The following ELMO1 variants were observed in gnomAD, a reference collection of about 807,000 sequenced individuals.
ELMO1 encodes the protein engulfment and cell motility protein 1.
ELMO1 carries 26 observed loss-of-function variants against 98.9 expected under a neutral mutation model. The observed-to-expected ratio is 0.26, with a 90% CI of 0.19 to 0.36. ELMO1 has a LOEUF of 0.36. ELMO1 is among the 10% of genes least tolerant of loss of function. The probability of loss-of-function intolerance (pLI) is 1.00; values close to 1 mark genes in which losing one functional copy is unlikely to be tolerated. For synonymous variants in ELMO1, 346 were observed against 346.0 expected, an observed-to-expected ratio of 1.00 and a Z score of 0.00; for missense variants, 627 against 935.2, an observed-to-expected ratio of 0.67 and a Z score of 4.30.
At chr7:37,069,540 T>C (rs893085160) in intron 15 of ELMO1, among the ~76,000 whole-genome samples, 5 of 152,190 alleles carry the variant, frequency 3.3e-5, no homozygotes, top group Non-Finnish European at 5.9e-5. Context: ...TCTCAAATTG[T>C]GCCTCACTGT....
At chr7:37,446,276 C>T (rs1173317192) in intron 1 of ELMO1, among the ~76,000 whole-genome samples, 4 of 152,188 alleles carry the variant, frequency 2.6e-5, no homozygotes, top group Non-Finnish European at 5.9e-5. Flanking sequence ...ACAAGGTAGT[C>T]ACTACCCTCA....
At chr7:37,277,109 T>G (rs1796880368) in intron 4 of ELMO1, among the ~76,000 whole-genome samples, 1 of 152,246 alleles carries the variant, frequency 6.6e-6, no homozygotes, top group South Asian at 2.1e-4. Flanking sequence ...AATAAATAGC[T>G]AAACTACTGT....
At chr7:37,123,024 C>A (rs549170738) in intron 14 of ELMO1, among the ~76,000 whole-genome samples, 1 of 152,134 alleles carries the variant, frequency 6.6e-6, no homozygotes, top group African/African-American at 2.4e-5. Flanking sequence ...ACAACCTGCT[C>A]CTGAATGACT....
chr7:37,441,467 T>G (rs1805415348), intron 1 of ELMO1, among the ~76,000 whole-genome samples: 1 of 152,230 alleles, frequency 6.6e-6, no homozygotes, highest in Admixed American at 6.5e-5. Flanking sequence ...CTGGTCGCAC[T>G]AATGGAATAT....
chr7:36,947,673 C>T (rs540262401), intron 16 of ELMO1, among the ~76,000 whole-genome samples: 2 of 152,284 alleles, frequency 1.3e-5, no homozygotes, highest in South Asian at 4.1e-4. Context: ...AAAGTCTGAA[C>T]TCCACAGCAA....
At chr7:37,131,009 C>T (rs1265569895) in intron 14 of ELMO1, among the ~76,000 whole-genome samples, 1 of 152,084 alleles carries the variant, frequency 6.6e-6, no homozygotes, top group Non-Finnish European at 1.5e-5. Flanking sequence ...GCTCATGAAT[C>T]AAAATTTAAT....
chr7:37,431,044 CA>C (rs1804910839), intron 1 of ELMO1, among the ~76,000 whole-genome samples: 1 of 152,176 alleles, frequency 6.6e-6, no homozygotes, highest in African/African-American at 2.4e-5. Flanking sequence ...GCAATCAGAA[CA>C]GTCTACCTTG....
At chr7:37,021,489 C>T (rs1794264661) in intron 15 of ELMO1, among the ~76,000 whole-genome samples, 1 of 151,908 alleles carries the variant, frequency 6.6e-6, no homozygotes, top group Admixed American at 6.6e-5. Flanking sequence ...AGCCTCATAG[C>T]ACCAAAAGAC....
chr7:37,330,785 C>G (rs570697981), intron 2 of ELMO1, among the ~76,000 whole-genome samples: 1 of 152,200 alleles, frequency 6.6e-6, no homozygotes, highest in East Asian at 1.9e-4. Flanking sequence ...AAATCTAGAC[C>G]CTTCACCTTT....
At chr7:37,208,450 A>C (rs1410710890) in intron 13 of ELMO1, among the ~76,000 whole-genome samples, 1 of 152,244 alleles carries the variant, frequency 6.6e-6, no homozygotes, top group Non-Finnish European at 1.5e-5. Context: ...AATCTTATGA[A>C]CTGAACTTTT....
intron 10 of ELMO1, 82 bp downstream of exon 10, chr7:37,222,533 C>T (rs1584831699): frequency 1.5e-6 from 2 of 1,355,442 alleles, no homozygotes; most frequent in Non-Finnish European, 2.1e-6. Flanking sequence ...CCAATGAGTC[C>T]CCGAATAGAA....
intron 8 of ELMO1, among the ~76,000 whole-genome samples, chr7:37,227,743 C>G (rs144642732): frequency 3.4e-4 from 52 of 152,300 alleles, no homozygotes; most frequent in African/African-American, 1.0e-3. Flanking sequence ...TTAAAGTTCT[C>G]TATAAATCAT....
chr7:37,007,802 TAGG>T (rs1277930966), intron 16 of ELMO1, among the ~76,000 whole-genome samples: 2 of 152,200 alleles, frequency 1.3e-5, no homozygotes, highest in Middle Eastern at 3.2e-3. Flanking sequence ...ATAATCTTCA[TAGG>T]AGATTTCTCA....
chr7:37,037,599 G>T (rs1245788865), intron 15 of ELMO1, among the ~76,000 whole-genome samples: 1 of 152,234 alleles, frequency 6.6e-6, no homozygotes, highest in East Asian at 1.9e-4. Flanking sequence ...AAAGTCAAGT[G>T]AAGCAAACTC....
At chr7:37,292,766 A>T (rs78137773) in intron 4 of ELMO1, among the ~76,000 whole-genome samples, 2 of 19,010 alleles carry the variant, frequency 1.1e-4, no homozygotes, top group African/African-American at 2.5e-4. Context: ...CCGGCCAGCC[A>T]CCCCGTCTGG....
chr7:37,123,197 T>C (rs138580009), intron 14 of ELMO1, among the ~76,000 whole-genome samples: 3,894 of 152,176 alleles, frequency 0.026, 163 homozygotes, highest in African/African-American at 0.088. Flanking sequence ...AGATCCAAAA[T>C]TGACACCCTA....
rs147769713 is a variant in ELMO1, at chr7:37,115,867, G to A, written c.1191+17263C>T. Among the ~76,000 whole-genome samples, 311 of 152,202 alleles carry A rather than the reference G, an allele frequency of 2.0e-3. 1 individual carries two copies. Among genetic ancestry groups the A allele is most frequent in the African/African-American group, 7.0e-3 (289 of 41,530 alleles). On this transcript the variant is annotated intron_variant, in intron 14 of 21. Transcript: ENST00000310758. ...CAAGGAATTAATACATAAAATCTTGGAACTAATAAACAATTACAGCAAGAC... is the reference window on the plus strand; with the variant it reads ...CAAGGAATTAATACATAAAATCTTGAAACTAATAAACAATTACAGCAAGAC...
intron 16 of ELMO1, among the ~76,000 whole-genome samples, chr7:36,968,739 C>A (rs1191273436): frequency 6.6e-6 from 1 of 151,890 alleles, no homozygotes; most frequent in East Asian, 1.9e-4. Flanking sequence ...TCTATTATTT[C>A]TTTTATTTTC....
At chr7:37,445,640 T>G (rs1457980778) in intron 1 of ELMO1, among the ~76,000 whole-genome samples, 1 of 151,500 alleles carries the variant, frequency 6.6e-6, no homozygotes, top group Non-Finnish European at 1.5e-5. Context: ...GTTAGCTTCT[T>G]TTCAATATAG....
Sources: allele counts gnomAD v4.1 joint callset (sites outside exome capture counted in the v4.1 genomes callset), GRCh38; gene constraint gnomAD v4.1.1; transcripts MANE v1.5; gene names NCBI Gene and HGNC (gene_info 2026-07-23, HGNC 2026-07-21).